The following EXOC4 variants were observed in gnomAD, a reference collection of about 807,000 sequenced individuals.
EXOC4 encodes the protein exocyst complex component 4.
A neutral mutation model predicts 107.2 loss-of-function variants in EXOC4; 71 were observed. That is an observed-to-expected ratio of 0.66 (90% CI 0.55 to 0.81). The LOEUF is 0.81. Among genes scored for constraint, EXOC4 ranks in the 30% least tolerant of loss-of-function variants. The pLI, the probability that EXOC4 is intolerant of heterozygous loss-of-function variation, is 0.00. For missense variants in EXOC4, 1,108 were observed against 1,189.6 expected, an observed-to-expected ratio of 0.93 and a Z score of 1.01; for synonymous variants, 456 against 441.2, an observed-to-expected ratio of 1.03 and a Z score of -0.42.
intron 9 of EXOC4, among the ~76,000 whole-genome samples, chr7:133,513,541 G>A (rs1487802851): frequency 2.0e-5 from 3 of 152,084 alleles, no homozygotes; most frequent in Admixed American, 2.0e-4. Flanking sequence ...TAAAGTTTAG[G>A]TCTGATTGTC....
chr7:134,017,855 C>T (rs957118157), intron 17 of EXOC4, among the ~76,000 whole-genome samples: 6 of 152,132 alleles, frequency 3.9e-5, no homozygotes, highest in Admixed American at 3.9e-4. Flanking sequence ...TTAGTGTCAC[C>T]ATATTTTGTA....
intron 6 of EXOC4, among the ~76,000 whole-genome samples, chr7:133,358,712 A>T (rs1216652198): frequency 2.6e-5 from 4 of 152,190 alleles, no homozygotes; most frequent in Non-Finnish European, 5.9e-5. Flanking sequence ...AAGGGCATGG[A>T]TTAATAACTT....
chr7:133,570,787 C>T (rs948041533), intron 9 of EXOC4, among the ~76,000 whole-genome samples: 1 of 152,118 alleles, frequency 6.6e-6, no homozygotes, highest in African/African-American at 2.4e-5. Context: ...AGGTTTGGAA[C>T]AAGATTTAAG....
At chr7:133,971,707 G>A (rs1339734114) in intron 14 of EXOC4, among the ~76,000 whole-genome samples, 1 of 152,056 alleles carries the variant, frequency 6.6e-6, no homozygotes, top group African/African-American at 2.4e-5. Context: ...GCAGTTCGAA[G>A]GAGACAATTC....
intron 11 of EXOC4, among the ~76,000 whole-genome samples, chr7:133,862,455 C>G (rs1325110944): frequency 1.3e-5 from 2 of 152,038 alleles, no homozygotes; most frequent in African/African-American, 2.4e-5. Flanking sequence ...TGCACTCCAG[C>G]CTCAGCTACA....
intron 17 of EXOC4, among the ~76,000 whole-genome samples, chr7:134,041,039 A>G (rs1795503881): frequency 6.6e-6 from 1 of 152,210 alleles, no homozygotes; most frequent in Admixed American, 6.5e-5. Context: ...AACTGATGGT[A>G]AAACCCACCA....
chr7:133,662,112 C>T (rs1220815753), intron 10 of EXOC4, among the ~76,000 whole-genome samples: 2 of 152,072 alleles, frequency 1.3e-5, no homozygotes, highest in East Asian at 1.9e-4. Flanking sequence ...TAATTTTTCT[C>T]GGTTCACACA....
intron 9 of EXOC4, among the ~76,000 whole-genome samples, chr7:133,614,130 A>G (rs1802134720): frequency 6.6e-6 from 1 of 151,914 alleles, no homozygotes; most frequent in Middle Eastern, 3.2e-3. Flanking sequence ...TTTAATGCAG[A>G]TGAAAGTGCC....
chr7:134,061,829 A>G (rs1383205792), intron 17 of EXOC4, among the ~76,000 whole-genome samples: 1 of 152,200 alleles, frequency 6.6e-6, no homozygotes, highest in Admixed American at 6.5e-5. Flanking sequence ...ATAAATATTA[A>G]TATGATGCTT....
At chr7:133,550,880 T>C (rs1038196694) in intron 9 of EXOC4, among the ~76,000 whole-genome samples, 4 of 152,088 alleles carry the variant, frequency 2.6e-5, no homozygotes, top group Admixed American at 1.3e-4. Flanking sequence ...GTTGACTTCA[T>C]GTATGGGAGA....
intron 9 of EXOC4, among the ~76,000 whole-genome samples, chr7:133,494,987 T>C (rs553425636): frequency 3.9e-5 from 6 of 152,202 alleles, no homozygotes; most frequent in South Asian, 4.2e-4. Flanking sequence ...ATTAAAAAAA[T>C]TGGGCGTGGC....
chr7:133,637,565 T>C (rs1375287860), intron 10 of EXOC4, among the ~76,000 whole-genome samples: 1 of 150,944 alleles, frequency 6.6e-6, no homozygotes, highest in East Asian at 2.0e-4. Flanking sequence ...TATTCATGCA[T>C]GGGAGGAAAT....
intron 9 of EXOC4, among the ~76,000 whole-genome samples, chr7:133,546,233 T>A (rs1244472026): frequency 6.6e-6 from 1 of 151,392 alleles, no homozygotes; most frequent in East Asian, 2.0e-4. Flanking sequence ...AATTTCACCC[T>A]TTTTATAATA....
At chr7:134,041,521 A>AT (rs1378138093) in intron 17 of EXOC4, among the ~76,000 whole-genome samples, 1 of 152,180 alleles carries the variant, frequency 6.6e-6, no homozygotes, top group African/African-American at 2.4e-5. Flanking sequence ...ATTGAATTTA[A>AT]TTTTTTATAT....
chr7:133,704,695 C>T (rs35332604), intron 10 of EXOC4, among the ~76,000 whole-genome samples: 66,786 of 151,872 alleles, frequency 0.44, 15,012 homozygotes, highest in South Asian at 0.53. Context: ...GGAAAAGATA[C>T]ATTGCAGCTG....
intron 10 of EXOC4, chr7:133,768,206 C>G (rs188939920): frequency 6.6e-6 from 1 of 151,702 alleles, no homozygotes; most frequent in Non-Finnish European, 1.5e-5. Context: ...ATGGGAAAGA[C>G]GGAACTAGGA....
chr7:133,743,799 A>G (rs1795618353), intron 10 of EXOC4, among the ~76,000 whole-genome samples: 1 of 152,130 alleles, frequency 6.6e-6, no homozygotes, highest in Non-Finnish European at 1.5e-5. Flanking sequence ...GTTTTGAGCT[A>G]CTTGGGTGTT....
chr7:133,557,961 C>A (rs898122551), intron 9 of EXOC4, among the ~76,000 whole-genome samples: 5 of 152,150 alleles, frequency 3.3e-5, no homozygotes, highest in Non-Finnish European at 5.9e-5. Context: ...TGCACTCCAG[C>A]CTGGGTAACA....
At chr7:133,598,415 T>C (rs925912125) in intron 9 of EXOC4, among the ~76,000 whole-genome samples, 2 of 152,192 alleles carry the variant, frequency 1.3e-5, no homozygotes, top group African/African-American at 2.4e-5. Flanking sequence ...GCAGAACTTA[T>C]TGTATGTGGC....
Sources: gnomAD v4.1 joint callset for allele counts (sites outside exome capture counted in the v4.1 genomes callset) on GRCh38, gnomAD v4.1.1 for gene constraint, MANE v1.5 for transcripts, NCBI Gene and HGNC (gene_info 2026-07-23, HGNC 2026-07-21) for gene names.